The following SMG1 variants were observed in gnomAD, a reference collection of about 807,000 sequenced individuals.
The protein encoded by SMG1 is SMG1 nonsense mediated mRNA decay associated PI3K related kinase, also known as serine/threonine-protein kinase SMG1.
A neutral mutation model predicts 419.9 loss-of-function variants in SMG1; 22 were observed. The ratio of observed to expected loss-of-function variants is 0.05; its 90% CI spans 0.04 to 0.07. The LOEUF is 0.07. Among genes scored for constraint, SMG1 ranks in the 10% least tolerant of loss-of-function variants. The pLI is 1.00. For missense variants in SMG1, 3,185 were observed against 4,342.0 expected (o/e 0.73, Z 7.49); for synonymous variants, 1,538 against 1,553.5 (o/e 0.99, Z 0.23).
intron 29 of SMG1, 159 bp downstream of exon 29, chr16:18,858,011 G>A (rs936286865): frequency 2.1e-5 from 11 of 516,850 alleles, no homozygotes; most frequent in African/African-American, 1.6e-4. Context: ...GGGGTAAGAC[G>A]GTGTTCTGTA....
intron 54 of SMG1, 40 bp from the exon 55 acceptor site, chr16:18,828,208 A>G (rs769722384): frequency 6.3e-7 from 1 of 1,596,440 alleles, no homozygotes; most frequent in Non-Finnish European, 8.6e-7. Flanking sequence ...TCAGCAGGAA[A>G]AAAGCGTTTA....
At chr16:18,827,614 CA>C (rs1436208731) in intron 55 of SMG1, among the ~76,000 whole-genome samples, 1 of 134,870 alleles carries the variant, frequency 7.4e-6, no homozygotes, top group Non-Finnish European at 1.6e-5. Context: ...ATAAATATAC[CA>C]AAATATATAT....
intron 56 of SMG1, 85 bp from the exon 57 acceptor site, chr16:18,817,555 A>G (rs2032127184): frequency 2.7e-6 from 3 of 1,108,150 alleles, no homozygotes; most frequent in African/African-American, 1.6e-5. Context: ...AAAAAATACT[A>G]CTTCCTCATT....
rs12930909 is a variant in SMG1, at chr16:18,877,118, A to T, written c.1620+13T>A. ...CTCAAGTTGTCAAAATTCATTATCA[A>T]TGTATTACTTACCTCTTTTTCTTTA... On this transcript the variant is annotated intron_variant, in intron 12 of 62. Transcript: ENST00000446231. The T allele has an allele frequency of 6.5e-7, 1 of 1,531,340 alleles. No individual in the cohort carries two copies. Among genetic ancestry groups the T allele is most frequent in the Admixed American group, 1.9e-5 (1 of 52,654 alleles). 94.9% of individuals were successfully genotyped at this position (1,531,340 alleles called of 1,614,324 possible).
intron 56 of SMG1, 136 bp from the exon 57 acceptor site, chr16:18,817,606 G>A (rs1443402479): frequency 2.9e-6 from 2 of 681,776 alleles, no homozygotes; most frequent in South Asian, 2.0e-5. Context: ...AAATGTTTGG[G>A]AAATAGACCA....
At chr16:18,922,913 C>G (rs962848253) in intron 1 of SMG1, among the ~76,000 whole-genome samples, 21 of 152,268 alleles carry the variant, frequency 1.4e-4, no homozygotes, top group Admixed American at 7.8e-4. Flanking sequence ...AAAACCCCAT[C>G]TCTACAAAAA....
At chr16:18,841,539 T>A in intron 41 of SMG1, 26 bp downstream of exon 41, 1 of 1,593,854 alleles carries the variant, frequency 6.3e-7, no homozygotes, top group Non-Finnish European at 8.6e-7. Context: ...AATAGACTAA[T>A]ACACTGTGTA....
chr16:18,890,726 A>G, intron 5 of SMG1, 137 bp downstream of exon 5: 1 of 622,300 alleles, frequency 1.6e-6, no homozygotes, highest in Admixed American at 2.9e-5. Flanking sequence ...TAATGCAGAT[A>G]AAAATGACAA....
intron 47 of SMG1, 48 bp downstream of exon 47, chr16:18,836,312 A>G (rs1293453468): frequency 3.1e-6 from 5 of 1,599,320 alleles, no homozygotes; most frequent in Non-Finnish European, 4.3e-6. Context: ...ACACATGACT[A>G]TAAAACTCAT....
In SMG1 at chr16:18,830,323, A is replaced by C. The variant is rs1339273072; in HGVS notation, c.8839T>G (p.Ser2947Ala). 5.6e-6 allele frequency: 9 copies of C among 1,613,972 alleles called. No homozygotes were observed. The highest frequency in any genetic ancestry group is 7.6e-6 in the Non-Finnish European group (9 of 1,179,886). ...YGELIQPRNG[S>A]VDETPKMSAG... ...GACATTTTGGGTGTTTCATCAACTG[A>C]ACCATTTCTCGGTTGGATTAATTCA... Residue 2947 changes from serine to alanine, a missense_variant, in exon 52 of 63, where the codon TCA becomes GCA. By Grantham distance (99) the Ser-to-Ala change is moderately conservative (BLOSUM62 1). Coordinates refer to ENST00000446231, the MANE Select transcript of SMG1 (RefSeq NM_015092.5).
At chr16:18,843,504 A>G (rs2034045253) in intron 39 of SMG1, among the ~76,000 whole-genome samples, 1 of 152,226 alleles carries the variant, frequency 6.6e-6, no homozygotes, top group South Asian at 2.1e-4. Flanking sequence ...AAAAATGTAA[A>G]GCAATTTTTA....
At chr16:18,913,188 G>A (rs2037853624) in intron 1 of SMG1, among the ~76,000 whole-genome samples, 1 of 152,062 alleles carries the variant, frequency 6.6e-6, no homozygotes, top group African/African-American at 2.4e-5. Context: ...CATTGAATCT[G>A]AACTTCCACT....
intron 1 of SMG1, among the ~76,000 whole-genome samples, chr16:18,908,038 G>A (rs1167934920): frequency 6.6e-6 from 1 of 151,830 alleles, no homozygotes; most frequent in South Asian, 2.1e-4. Context: ...GGCTGAAAAT[G>A]TACAAAGATA....
chr16:18,877,559 T>G (rs1035040328), intron 11 of SMG1: 27 of 187,674 alleles, frequency 1.4e-4, no homozygotes, highest in Middle Eastern at 2.6e-3. Context: ...TTAAAGTCCA[T>G]AGAATACATA....
At chr16:18,866,568 C>T in intron 23 of SMG1, 53 bp downstream of exon 23, 2 of 1,544,734 alleles carry the variant, frequency 1.3e-6, no homozygotes, top group African/African-American at 1.4e-5. Flanking sequence ...GAGTAATACA[C>T]AGAACTTAAA....
chr16:18,899,225 T>G (rs985643055), intron 1 of SMG1, among the ~76,000 whole-genome samples: 2 of 152,164 alleles, frequency 1.3e-5, no homozygotes, highest in Admixed American at 6.5e-5. Flanking sequence ...ACCAACAATG[T>G]GTTTCCAACT....
chr16:18,817,428 G>A lies in SMG1; in HGVS notation c.9937C>T (p.Arg3313Ter). The A allele has an allele frequency of 6.3e-7, 1 of 1,593,020 alleles. No homozygotes were observed. The highest frequency in any genetic ancestry group is 8.6e-7 in the Non-Finnish European group (1 of 1,168,676). Residue 3313 changes from arginine to a stop codon, truncating the protein, a stop_gained, in exon 57 of 63, where the codon CGA becomes TGA. Transcript: ENST00000446231. LOFTEE classifies it high-confidence loss of function. ...CSNIIHFESLRTRTAEALNLD... is the reference protein window; with the variant it reads ...CSNIIHFESL ...TTTAAGGCTTCTGCAGTTCTTGTTC[G>A]TAAACTTTCAAAATGAATGATATTG...
chr16:18,858,647 ATCAT>A (rs2035047049), intron 28 of SMG1: 1 of 214,654 alleles, frequency 4.7e-6, no homozygotes, highest in African/African-American at 2.3e-5. Context: ...CTCGAAGATC[ATCAT>A]TCATTCAGAA....
intron 23 of SMG1, among the ~76,000 whole-genome samples, chr16:18,865,682 G>A (rs1313649301): frequency 6.8e-6 from 1 of 146,072 alleles, no homozygotes; most frequent in Non-Finnish European, 1.5e-5. Context: ...TTTTTTTGGA[G>A]ACAGAGTTTC....
Sources: gnomAD v4.1 joint callset for allele counts (sites outside exome capture counted in the v4.1 genomes callset) on GRCh38, gnomAD v4.1.1 for gene constraint, MANE v1.5 for transcripts, NCBI Gene and HGNC (gene_info 2026-07-23, HGNC 2026-07-21) for gene names.